SORBS3: variants seen among roughly 807,000 people sequenced by gnomAD.
SORBS3 encodes the protein sorbin and SH3 domain containing 3, also known as vinexin.
SORBS3 carries 69 observed loss-of-function variants against 98.0 expected under a neutral mutation model. That is an observed-to-expected ratio of 0.70 (90% CI 0.58 to 0.86). The LOEUF is 0.86. Among genes scored for constraint, SORBS3 ranks in the 40% least tolerant of loss-of-function variants. The pLI is 0.00. For missense variants in SORBS3, 954 were observed against 908.5 expected, an observed-to-expected ratio of 1.05 and a Z score of -0.64; for synonymous variants, 394 against 355.4, an observed-to-expected ratio of 1.11 and a Z score of -1.22.
At chr8:22,560,738 G>A (rs1235295989) in intron 5 of SORBS3, among the ~76,000 whole-genome samples, 1 of 152,132 alleles carries the variant, frequency 6.6e-6, no homozygotes, top group African/African-American at 2.4e-5. Context: ...TTTACTATGG[G>A]GGAAAGCAGA....
intron 13 of SORBS3, 79 bp downstream of exon 13, chr8:22,566,563 A>C: frequency 6.3e-7 from 1 of 1,584,366 alleles, no homozygotes; most frequent in Non-Finnish European, 8.6e-7. Context: ...GTGGCAGGTC[A>C]CAGAGCCCCT....
At chr8:22,572,579 G>T (rs138443172) in intron 20 of SORBS3, 133 bp downstream of exon 20, 8 of 705,966 alleles carry the variant, frequency 1.1e-5, no homozygotes, top group Admixed American at 4.5e-5. Context: ...CCGGGCTACT[G>T]GGGGGGCCTG....
intron 7 of SORBS3, 64 bp downstream of exon 7, chr8:22,561,995 G>T: frequency 6.6e-7 from 1 of 1,510,536 alleles, no homozygotes; most frequent in Non-Finnish European, 9.2e-7. Context: ...ACCATGGGAC[G>T]GGCGCCCCCT....
At chr8:22,570,762 C>T (rs1235323792) in intron 17 of SORBS3, 148 bp from the exon 18 acceptor site, 18 of 680,208 alleles carry the variant, frequency 2.6e-5, no homozygotes, top group African/African-American at 1.3e-4. Context: ...CTGCTCTTAC[C>T]GTGTGACTCG....
At chr8:22,545,312 G>A (rs1586882731) in intron 1 of SORBS3, 1 of 152,308 alleles carries the variant, frequency 6.6e-6, no homozygotes, top group South Asian at 2.1e-4. Context: ...GAAGGACAGT[G>A]TTGTTTACTC....
intron 7 of SORBS3, 44 bp from the exon 8 acceptor site, chr8:22,563,943 T>C: frequency 6.8e-7 from 1 of 1,479,350 alleles, no homozygotes; most frequent in African/African-American, 1.4e-5. Context: ...TCTGCCTCAG[T>C]CTCCCTAAAA....
At chr8:22,562,946 C>A (rs1563824844) in intron 7 of SORBS3, among the ~76,000 whole-genome samples, 1 of 152,152 alleles carries the variant, frequency 6.6e-6, no homozygotes, top group Non-Finnish European at 1.5e-5. Context: ...GAAACCCCGT[C>A]TCTACTAAAA....
At chr8:22,565,415 G>A (rs1052525785) in intron 11 of SORBS3, 61 bp downstream of exon 11, 1 of 1,351,538 alleles carries the variant, frequency 7.4e-7, no homozygotes, top group Admixed American at 2.3e-5. Context: ...GGGGCGAGCC[G>A]GGAGCCTCGG....
At chr8:22,567,034 C>T (rs1406714251) in intron 15 of SORBS3, 27 bp from the exon 16 acceptor site, 5 of 1,592,872 alleles carry the variant, frequency 3.1e-6, no homozygotes, top group Middle Eastern at 1.8e-4. Context: ...CTTCAGCTTA[C>T]CCTGCGGTCC....
chr8:22,575,255 G>A lies in SORBS3; in HGVS notation c.*527G>A, dbSNP rs745481602. On this transcript the variant is annotated 3_prime_UTR_variant, in exon 21 of 21. Transcript: ENST00000240123. ...CGGAGCAAGGCGGGGGACAGACGCA[G>A]CACCTTCTTAGCGATCTAGGCCTGG... The A allele has an allele frequency of 1.3e-4, 40 of 302,724 alleles. No individual in the cohort carries two copies. The highest frequency in any genetic ancestry group is 2.5e-4 in the Non-Finnish European group (39 of 153,608). The allele number at this position is 302,724 out of a possible 1,614,324, so 18.8% of individuals were successfully genotyped here.
chr8:22,565,748 AC>A, intron 11 of SORBS3, 77 bp from the exon 12 acceptor site: 1 of 1,275,762 alleles, frequency 7.8e-7, no homozygotes, highest in Non-Finnish European at 9.9e-7. Context: ...CGAGCCGCGA[AC>A]TTTTCCGGAG....
rs758298245 is a variant in SORBS3, at chr8:22,574,752, C to G, written c.*24C>G. 23 of 1,608,810 alleles carry G rather than the reference C, an allele frequency of 1.4e-5. No homozygotes were observed. The highest frequency in any genetic ancestry group is 3.3e-4 in the Middle Eastern group (2 of 6,062). ...GAGTGGTCTCCATGGCAACTTGGAG[C>G]CAGCCAGGATGGGGTGGGGAGCGGT... is the stretch of plus-strand genomic sequence containing the variant. On this transcript the variant is annotated 3_prime_UTR_variant, in exon 21 of 21. Coordinates refer to ENST00000240123, the MANE Select transcript of SORBS3 (RefSeq NM_005775.5).
At chr8:22,570,854 C>A in intron 17 of SORBS3, 56 bp from the exon 18 acceptor site, 1 of 1,508,970 alleles carries the variant, frequency 6.6e-7, no homozygotes, top group Non-Finnish European at 9.0e-7. Flanking sequence ...AGATAAGGCA[C>A]CCGTGGGTCC....
chr8:22,559,982 G>C (rs1840259381), intron 5 of SORBS3, among the ~76,000 whole-genome samples: 1 of 150,398 alleles, frequency 6.6e-6, no homozygotes, highest in African/African-American at 2.5e-5. Context: ...CAGGAGAATT[G>C]CTTGAACCTG....
intron 3 of SORBS3, among the ~76,000 whole-genome samples, chr8:22,555,793 GTGAGC>G (rs1840171813): frequency 6.6e-6 from 1 of 151,532 alleles, no homozygotes; most frequent in African/African-American, 2.4e-5. Flanking sequence ...GGAGGTTGCA[GTGAGC>G]TGAGATCGTG....
chr8:22,553,816 T>C (rs1444798218), intron 1 of SORBS3, among the ~76,000 whole-genome samples: 1 of 150,212 alleles, frequency 6.7e-6, no homozygotes, highest in Non-Finnish European at 1.5e-5. Flanking sequence ...CCCGGAGCCC[T>C]CTGAGTCCTC....
At chr8:22,565,658 C>G in intron 11 of SORBS3, 168 bp from the exon 12 acceptor site, 1 of 1,202,082 alleles carries the variant, frequency 8.3e-7, no homozygotes. Flanking sequence ...CCGCCCCTTC[C>G]CCTAGTTCCC....
intron 3 of SORBS3, among the ~76,000 whole-genome samples, chr8:22,556,204 G>A (rs1370580885): frequency 2.0e-5 from 3 of 152,220 alleles, no homozygotes; most frequent in Non-Finnish European, 4.4e-5. Flanking sequence ...CCTCTCGACT[G>A]TGTGCCAGGC....
upstream of SORBS3, chr8:22,551,675 C>T (rs1180199662): frequency 4.2e-6 from 4 of 949,896 alleles, no homozygotes; most frequent in Non-Finnish European, 3.8e-6. This position sits in a 1 kb window ranked among gnomAD's most constrained non-coding sequence, Gnocchi z 5.8. Context: ...GCCTCCTCGG[C>T]AGGGGGCCAC....
Sources: gnomAD v4.1 joint callset for allele counts (sites outside exome capture counted in the v4.1 genomes callset) on GRCh38, gnomAD v4.1.1 for gene constraint, Gnocchi (gnomAD v3.1) non-coding constraint, MANE v1.5 for transcripts, NCBI Gene and HGNC (gene_info 2026-07-23, HGNC 2026-07-21) for gene names.